The following SUCLG2 variants were observed in gnomAD, a reference collection of about 807,000 sequenced individuals.
The protein encoded by SUCLG2 is succinate--CoA ligase [GDP-forming] subunit beta, mitochondrial.
In SUCLG2, 42 loss-of-function variants were observed where a neutral mutation model predicts 47.9. The observed-to-expected ratio is 0.88, with a 90% CI of 0.69 to 1.14. SUCLG2 has a LOEUF of 1.14. Among genes scored for constraint, SUCLG2 ranks in the 50% most tolerant of loss-of-function variants. The pLI, the probability that SUCLG2 is intolerant of heterozygous loss-of-function variation, is 0.00. For synonymous variants in SUCLG2, 195 were observed against 197.3 expected (o/e 0.99, Z 0.10); for missense variants, 571 against 525.9 (o/e 1.09, Z -0.84).
chr3:67,404,568 G>C (rs983807192), intron 9 of SUCLG2, among the ~76,000 whole-genome samples: 2 of 152,046 alleles, frequency 1.3e-5, no homozygotes, highest in Non-Finnish European at 2.9e-5. Flanking sequence ...GGATTGTTTA[G>C]GACACACGAT....
intron 9 of SUCLG2, among the ~76,000 whole-genome samples, chr3:67,416,141 G>C (rs9833837): frequency 1.6e-4 from 24 of 152,274 alleles, no homozygotes; most frequent in Non-Finnish European, 5.9e-5. Context: ...AGCCTCATGA[G>C]AGACCCTGAG....
chr3:67,573,050 A>C (rs557214026), intron 2 of SUCLG2, among the ~76,000 whole-genome samples: 75 of 152,380 alleles, frequency 4.9e-4, no homozygotes, highest in African/African-American at 1.8e-3. Context: ...AAATGAAATT[A>C]TTAAAGTAAT....
At chr3:67,437,862 C>G (rs1032901016) in intron 9 of SUCLG2, among the ~76,000 whole-genome samples, 1 of 152,064 alleles carries the variant, frequency 6.6e-6, no homozygotes, top group African/African-American at 2.4e-5. Flanking sequence ...GAACAGAAAA[C>G]TGAGGCTAAT....
chr3:67,362,759 A>C (rs1371645386), intron 10 of SUCLG2, among the ~76,000 whole-genome samples: 2 of 152,198 alleles, frequency 1.3e-5, no homozygotes, highest in East Asian at 3.9e-4. Context: ...CTTCTCGAGA[A>C]GTATGCTTTG....
intron 1 of SUCLG2, among the ~76,000 whole-genome samples, chr3:67,635,271 G>T (rs1342467045): frequency 6.6e-6 from 1 of 152,144 alleles, no homozygotes; most frequent in Non-Finnish European, 1.5e-5. Context: ...CTTGGCTGAG[G>T]CTTTGCACTG....
intron 9 of SUCLG2, among the ~76,000 whole-genome samples, chr3:67,431,326 C>T (rs1218740706): frequency 6.6e-6 from 1 of 152,128 alleles, no homozygotes; most frequent in Non-Finnish European, 1.5e-5. Context: ...TGTAATCCAT[C>T]ACATAAACAA....
intron 4 of SUCLG2, among the ~76,000 whole-genome samples, chr3:67,527,569 T>C (rs930610482): frequency 1.3e-5 from 2 of 152,202 alleles, no homozygotes; most frequent in Non-Finnish European, 2.9e-5. Flanking sequence ...GGCAGGCCAC[T>C]TTCCTCTGGG....
chr3:67,599,650 A>G (rs1282567818), intron 2 of SUCLG2, among the ~76,000 whole-genome samples: 1 of 151,684 alleles, frequency 6.6e-6, no homozygotes, highest in East Asian at 1.9e-4. Context: ...CCTGTTATCC[A>G]CGTCCCATCT....
intron 1 of SUCLG2, among the ~76,000 whole-genome samples, chr3:67,641,157 T>C (rs1200842096): frequency 6.6e-6 from 1 of 152,234 alleles, no homozygotes; most frequent in Admixed American, 6.5e-5. Flanking sequence ...ACAATAAACC[T>C]GTGCCCCTTT....
chr3:67,608,326 GTGAC>G (rs1438394940), intron 2 of SUCLG2, among the ~76,000 whole-genome samples: 5 of 152,306 alleles, frequency 3.3e-5, no homozygotes, highest in Admixed American at 1.3e-4. Flanking sequence ...GGGTGAAATA[GTGAC>G]TAAAATCTCT....
chr3:67,537,542 GTCTATA>G (rs1208029354), intron 2 of SUCLG2, among the ~76,000 whole-genome samples: 1 of 152,170 alleles, frequency 6.6e-6, no homozygotes, highest in Non-Finnish European at 1.5e-5. Context: ...GTGTGCATGT[GTCTATA>G]TAGTAGAATG....
At chr3:67,400,145 C>A (rs1421254568) in intron 10 of SUCLG2, among the ~76,000 whole-genome samples, 1 of 151,828 alleles carries the variant, frequency 6.6e-6, no homozygotes, top group African/African-American at 2.4e-5. Context: ...CAGAAACAGA[C>A]ATGCTAAATG....
chr3:67,585,934 T>C (rs1342088576), intron 2 of SUCLG2, among the ~76,000 whole-genome samples: 5 of 125,816 alleles, frequency 4.0e-5, no homozygotes, highest in African/African-American at 1.6e-4. Flanking sequence ...GCCACTGCAC[T>C]CCAGCCTGGG....
At chr3:67,553,436 C>G (rs78694179) in intron 2 of SUCLG2, among the ~76,000 whole-genome samples, 3 of 152,318 alleles carry the variant, frequency 2.0e-5, no homozygotes, top group Non-Finnish European at 4.4e-5. Context: ...TATCATTCTA[C>G]TTATAAGCTG....
intron 1 of SUCLG2, among the ~76,000 whole-genome samples, chr3:67,614,294 G>C (rs1386949523): frequency 6.6e-6 from 1 of 151,962 alleles, no homozygotes; most frequent in African/African-American, 2.4e-5. Context: ...GAACAGTAGG[G>C]GGAAGACACC....
At chr3:67,579,412 C>T (rs1283518959) in intron 2 of SUCLG2, among the ~76,000 whole-genome samples, 2 of 152,204 alleles carry the variant, frequency 1.3e-5, no homozygotes, top group East Asian at 1.9e-4. Context: ...GAGACTAACA[C>T]AGTAATCATA....
intron 2 of SUCLG2, among the ~76,000 whole-genome samples, chr3:67,594,836 T>G (rs1235574069): frequency 6.6e-6 from 1 of 152,206 alleles, no homozygotes; most frequent in East Asian, 1.9e-4. Flanking sequence ...TGATATTGTT[T>G]TAAATTAAAA....
Position 67,642,819 on chromosome 3 carries a change from T to C in SUCLG2, c.84+11684A>G, listed in dbSNP as rs998431678. On this transcript the variant is annotated intron_variant, in intron 1 of 10. Transcript: ENST00000307227. Reference sequence around the variant, plus strand: ...GTTATCCAGACACCATTAATAGCCATTGTACAGGCAAGTCCAGCAGAAAAG... The same window carrying C: ...GTTATCCAGACACCATTAATAGCCACTGTACAGGCAAGTCCAGCAGAAAAG... 3.9e-5 allele frequency among the ~76,000 whole-genome samples: 6 copies of C among 152,128 alleles called. No homozygotes were observed. In the East Asian group the frequency reaches 9.6e-4, roughly 24 times the overall value.
intron 2 of SUCLG2, among the ~76,000 whole-genome samples, chr3:67,531,251 C>G (rs1287922269): frequency 6.6e-6 from 1 of 152,130 alleles, no homozygotes; most frequent in African/African-American, 2.4e-5. Context: ...GGAAAAAATA[C>G]TTTTTGCTGT....
Sources: allele counts gnomAD v4.1 joint callset (sites outside exome capture counted in the v4.1 genomes callset), GRCh38; gene constraint gnomAD v4.1.1; transcripts MANE v1.5; gene names NCBI Gene and HGNC (gene_info 2026-07-23, HGNC 2026-07-21).